The following CSMD2 variants were observed in gnomAD, a reference collection of about 807,000 sequenced individuals.
CSMD2 encodes the protein CUB and sushi domain-containing protein 2.
In CSMD2, 130 loss-of-function variants were observed where a neutral mutation model predicts 398.5. The observed-to-expected ratio is 0.33, with a 90% CI of 0.28 to 0.38. The LOEUF (loss-of-function observed/expected upper bound fraction) is 0.38. Among genes scored for constraint, CSMD2 ranks in the 10% least tolerant of loss-of-function variants. The probability of loss-of-function intolerance (pLI) is 1.00; values close to 1 mark genes in which losing one functional copy is unlikely to be tolerated. For missense variants in CSMD2, 3,829 were observed against 4,764.9 expected (o/e 0.80, Z 5.78); for synonymous variants, 1,828 against 1,908.5 (o/e 0.96, Z 1.10).
At chr1:33,524,413 G>C (rs1654588816) in intron 66 of CSMD2, among the ~76,000 whole-genome samples, 1 of 152,138 alleles carries the variant, frequency 6.6e-6, no homozygotes, top group Non-Finnish European at 1.5e-5. Flanking sequence ...TGTTTTCCCA[G>C]AATGGTACCA....
intron 22 of CSMD2, among the ~76,000 whole-genome samples, chr1:33,705,557 G>C (rs543713013): frequency 6.6e-6 from 1 of 152,094 alleles, no homozygotes; most frequent in Non-Finnish European, 1.5e-5. Context: ...TTGAAGTTTT[G>C]TTAAGCTTAC....
At chr1:34,096,412 G>A (rs2148395907) in intron 1 of CSMD2, among the ~76,000 whole-genome samples, 1 of 152,124 alleles carries the variant, frequency 6.6e-6, no homozygotes, top group African/African-American at 2.4e-5. Flanking sequence ...TCTGGCCAGG[G>A]CAATTAGGCA....
At chr1:33,750,012 A>C (rs1647995767) in intron 13 of CSMD2, among the ~76,000 whole-genome samples, 1 of 152,200 alleles carries the variant, frequency 6.6e-6, no homozygotes, top group East Asian at 1.9e-4. Context: ...CCTTCATGCA[A>C]AGTGCTAGAA....
chr1:33,559,382 G>A lies in CSMD2; in HGVS notation c.8472C>T (p.Asn2824=), dbSNP rs775261765. The A allele has an allele frequency of 1.0e-5, 16 of 1,536,170 alleles. No homozygotes were observed. The South Asian group carries it at 1.8e-4, about 17-fold the overall frequency. The change falls in exon 54 of 71, where the codon AAC becomes AAT. Residue 2824 remains asparagine (N), a synonymous_variant. Transcript: ENST00000373381. This position sits in a 1 kb window ranked among gnomAD's most constrained non-coding sequence, Gnocchi z 4.0. ...CAGCCCCCTCAGCCATATACCCAGG[G>A]TTGCAAACAAACTTGACCACATCGT... ...NLNDVVKFVC[N]PGYMAEGAAR... is the part of the protein sequence containing the mutation.
chr1:33,815,644 T>C (rs942438772), intron 9 of CSMD2, among the ~76,000 whole-genome samples: 1 of 152,246 alleles, frequency 6.6e-6, no homozygotes, highest in South Asian at 2.1e-4. Flanking sequence ...TTTGTGCCCT[T>C]GGGCAAGTTG....
intron 3 of CSMD2, among the ~76,000 whole-genome samples, chr1:33,985,430 G>A (rs1252047667): frequency 6.6e-6 from 1 of 152,184 alleles, no homozygotes; most frequent in Non-Finnish European, 1.5e-5. Context: ...GGCTCCTCTG[G>A]AGGAAGGCAG....
intron 25 of CSMD2, among the ~76,000 whole-genome samples, chr1:33,673,051 G>A (rs934613035): frequency 2.6e-5 from 4 of 152,332 alleles, no homozygotes; most frequent in Admixed American, 1.3e-4. Context: ...AAAAATCAGA[G>A]TGCCTCTCCT....
intron 3 of CSMD2, among the ~76,000 whole-genome samples, chr1:33,950,599 G>A (rs926185324): frequency 3.3e-5 from 5 of 152,200 alleles, no homozygotes; most frequent in East Asian, 1.9e-4. Context: ...TGAGGGAAAC[G>A]TGGTTGAGAA....
At chr1:34,147,464 G>A (rs916550106) in intron 1 of CSMD2, among the ~76,000 whole-genome samples, 7 of 151,914 alleles carry the variant, frequency 4.6e-5, no homozygotes, top group African/African-American at 7.3e-5. Context: ...TCTAGGAGCC[G>A]GCAGAGATGC....
chr1:34,052,868 G>C (rs1653372764), intron 2 of CSMD2, among the ~76,000 whole-genome samples: 1 of 152,156 alleles, frequency 6.6e-6, no homozygotes. Context: ...GGCTTGGTAA[G>C]AGACGACTAA....
chr1:34,024,911 G>A (rs1291817292), intron 3 of CSMD2, among the ~76,000 whole-genome samples: 1 of 152,244 alleles, frequency 6.6e-6, no homozygotes, highest in Non-Finnish European at 1.5e-5. Context: ...GAGAGGCTGA[G>A]GCCGAGAGAG....
intron 1 of CSMD2, among the ~76,000 whole-genome samples, chr1:34,113,633 GAGTGACATCA>G (rs1389548169): frequency 6.6e-6 from 1 of 152,164 alleles, no homozygotes; most frequent in Non-Finnish European, 1.5e-5. Context: ...AGGGGCTTGG[GAGTGACATCA>G]GCTAGATGGC....
intron 13 of CSMD2, 57 bp downstream of exon 13, chr1:33,772,512 A>G (rs1013813224): frequency 6.5e-7 from 1 of 1,533,346 alleles, no homozygotes; most frequent in Admixed American, 1.8e-5. Context: ...TTAGCTAGGA[A>G]ACGGGCCCCT....
intron 39 of CSMD2, among the ~76,000 whole-genome samples, chr1:33,615,917 A>G (rs1641355447): frequency 1.3e-5 from 2 of 152,352 alleles, no homozygotes; most frequent in Middle Eastern, 3.4e-3. Context: ...GGCACCAGAG[A>G]ACCTTAGGTT....
intron 53 of CSMD2, among the ~76,000 whole-genome samples, chr1:33,566,809 A>T (rs1347804347): frequency 6.6e-6 from 1 of 152,238 alleles, no homozygotes; most frequent in Non-Finnish European, 1.5e-5. Flanking sequence ...AGGAAGTGCA[A>T]GGAAAAACAG....
chr1:33,789,284 T>A (rs1180064314), intron 11 of CSMD2, among the ~76,000 whole-genome samples: 1 of 144,936 alleles, frequency 6.9e-6, no homozygotes, highest in African/African-American at 2.5e-5. Context: ...GGTTTAAGCA[T>A]GGGTGTGGGG....
chr1:34,026,423 T>G (rs1040287053), intron 3 of CSMD2, among the ~76,000 whole-genome samples: 7 of 152,126 alleles, frequency 4.6e-5, no homozygotes, highest in African/African-American at 1.7e-4. Flanking sequence ...AAGCCTATAG[T>G]TTGATAGTGA....
intron 5 of CSMD2, among the ~76,000 whole-genome samples, chr1:33,907,805 G>T (rs1484849918): frequency 6.6e-6 from 1 of 152,086 alleles, no homozygotes; most frequent in Non-Finnish European, 1.5e-5. Context: ...TCACCCATCA[G>T]CCACTGGATA....
intron 16 of CSMD2, 94 bp downstream of exon 16, chr1:33,726,453 G>C: frequency 7.2e-7 from 1 of 1,390,054 alleles, no homozygotes; most frequent in Non-Finnish European, 9.8e-7. Flanking sequence ...TTTCAGCGTT[G>C]GTACTGGTCC....
Sources: gnomAD v4.1 joint callset for allele counts (sites outside exome capture counted in the v4.1 genomes callset) on GRCh38, gnomAD v4.1.1 for gene constraint, Gnocchi (gnomAD v3.1) non-coding constraint, MANE v1.5 for transcripts, NCBI Gene and HGNC (gene_info 2026-07-23, HGNC 2026-07-21) for gene names.